The following ABCG1 variants were observed in gnomAD, a reference collection of about 807,000 sequenced individuals.
The protein encoded by ABCG1 is ATP binding cassette subfamily G member 1.
ABCG1 carries 29 observed loss-of-function variants against 69.2 expected under a neutral mutation model. The observed-to-expected ratio is 0.42, with a 90% CI of 0.31 to 0.57. ABCG1 has a LOEUF of 0.57. Ranked by LOEUF, ABCG1 falls within the 20% of genes least tolerant of loss-of-function variation. The probability of loss-of-function intolerance (pLI) is 0.15; values close to 1 mark genes in which losing one functional copy is unlikely to be tolerated. For missense variants in ABCG1, 718 were observed against 898.1 expected (o/e 0.80, Z 2.56); for synonymous variants, 370 against 374.8 (o/e 0.99, Z 0.15).
chr21:42,259,516 T>A, intron 2 of ABCG1: 3 of 1,540,250 alleles, frequency 1.9e-6, no homozygotes, highest in Non-Finnish European at 2.6e-6. Context: ...GTGCATTGAC[T>A]GAGGCTGGCT....
upstream of ABCG1, among the ~76,000 whole-genome samples, chr21:42,211,725 C>CAAA (rs372775582): frequency 2.7e-4 from 37 of 137,712 alleles, no homozygotes; most frequent in African/African-American, 9.0e-4. Flanking sequence ...ACTAAAAATA[C>CAAA]AAAAAAAAAA....
intron 2 of ABCG1, chr21:42,260,190 A>G: frequency 2.6e-6 from 4 of 1,549,704 alleles, no homozygotes; most frequent in Non-Finnish European, 2.6e-6. Context: ...CGTGGCCCTA[A>G]AGGCATTCAG....
chr21:42,233,254 C>T (rs1406255408), intron 2 of ABCG1, among the ~76,000 whole-genome samples: 1 of 152,140 alleles, frequency 6.6e-6, no homozygotes, highest in African/African-American at 2.4e-5. Context: ...GTAAGACACA[C>T]CAGGGTGACT....
At position 42,291,051 on chromosome 21, in the gene ABCG1, C is replaced by T; in HGVS notation, c.1394-41C>T. ...TGGGATGTTAAACGGGCTCGCTGCA[C>T]ATGGTCACTGACCCTTCTTTTTTGC... On this transcript the variant is annotated intron_variant, in intron 11 of 14. Transcript: ENST00000398449. The surrounding 1 kb of genome is among the most constrained non-coding windows in gnomAD (Gnocchi z 6.4). 6.6e-7 allele frequency: 1 copy of T among 1,504,154 alleles called. No individual in the cohort carries two copies. The highest frequency in any genetic ancestry group is 2.3e-5 in the East Asian group (1 of 44,354). The allele number at this position is 1,504,154 out of a possible 1,614,324, so 93.2% of individuals were successfully genotyped here. A position where few individuals can be genotyped will look rare whatever the true frequency, so the allele number is the denominator to read the frequency against.
chr21:42,214,285 A>G (rs183454711), upstream of ABCG1, among the ~76,000 whole-genome samples: 99 of 152,362 alleles, frequency 6.5e-4, no homozygotes, highest in African/African-American at 1.8e-3. Flanking sequence ...ATGTGAGGAC[A>G]CAGAGGCGCC....
intron 2 of ABCG1, among the ~76,000 whole-genome samples, chr21:42,205,399 G>A (rs2067535319): frequency 6.6e-6 from 1 of 152,066 alleles, no homozygotes; most frequent in Non-Finnish European, 1.5e-5. Context: ...AGGAATTCAA[G>A]ACCAGCCTGG....
intron 1 of ABCG1, among the ~76,000 whole-genome samples, chr21:42,201,393 G>C (rs1455890014): frequency 6.6e-6 from 1 of 152,126 alleles, no homozygotes; most frequent in East Asian, 1.9e-4. Flanking sequence ...TGACAGGAGG[G>C]AGAGCTCAAG....
intron 2 of ABCG1, chr21:42,259,580 G>A: frequency 6.8e-7 from 1 of 1,476,288 alleles, no homozygotes; most frequent in Non-Finnish European, 9.0e-7. Flanking sequence ...GAGTGGCATT[G>A]CCTCTGCGGA....
At chr21:42,266,901 A>G (rs1252203982) in intron 2 of ABCG1, among the ~76,000 whole-genome samples, 1 of 151,004 alleles carries the variant, frequency 6.6e-6, no homozygotes, top group African/African-American at 2.4e-5. Context: ...CCCTGCTCAG[A>G]CCCCATTCTC....
intron 2 of ABCG1, among the ~76,000 whole-genome samples, chr21:42,264,334 T>G (rs1260949983): frequency 2.0e-5 from 3 of 152,258 alleles, no homozygotes; most frequent in Non-Finnish European, 4.4e-5. Context: ...CATTACTAAA[T>G]GCTTCATCTG....
At chr21:42,231,861 C>T (rs536683608) in intron 2 of ABCG1, among the ~76,000 whole-genome samples, 1 of 152,226 alleles carries the variant, frequency 6.6e-6, no homozygotes, top group Non-Finnish European at 1.5e-5. Context: ...CAGGACATTT[C>T]TTTTAGTCCT....
At chr21:42,277,807 T>C (rs767954645) in intron 5 of ABCG1, among the ~76,000 whole-genome samples, 10 of 152,228 alleles carry the variant, frequency 6.6e-5, no homozygotes, top group Non-Finnish European at 1.2e-4. Flanking sequence ...AAGTGATTGA[T>C]GGGACAGAGT....
At chr21:42,235,265 G>T (rs2067962921) in intron 2 of ABCG1, among the ~76,000 whole-genome samples, 1 of 152,196 alleles carries the variant, frequency 6.6e-6, no homozygotes, top group Admixed American at 6.5e-5. Context: ...TGGAAATGGC[G>T]CTCAAATGCT....
chr21:42,211,838 G>A (rs148791196), upstream of ABCG1, among the ~76,000 whole-genome samples: 2,743 of 152,190 alleles, frequency 0.018, 83 homozygotes, highest in African/African-American at 0.062. Flanking sequence ...GCAGTGGGCC[G>A]AGATTGTGCC....
Position 42,287,230 on chromosome 21 carries a change from G to C in ABCG1, c.974-659G>C, listed in dbSNP as rs543771156. Among the ~76,000 whole-genome samples the C allele has an allele frequency of 1.3e-5, 2 of 152,304 alleles. No individual in the cohort carries two copies. The highest frequency in any genetic ancestry group is 2.1e-4 in the South Asian group (1 of 4,824). On this transcript the variant is annotated intron_variant, in intron 8 of 14. Coordinates refer to ENST00000398449, the MANE Select transcript of ABCG1 (RefSeq NM_016818.3). The surrounding 1 kb of genome is among the most constrained non-coding windows in gnomAD (Gnocchi z 6.2). Reference sequence around the variant, plus strand: ...GCCAGTCACCACGGGAGTGTGGAAGGAGTTGCAGGCTGCAGAGGAAGTCCA... The same window carrying C: ...GCCAGTCACCACGGGAGTGTGGAAGCAGTTGCAGGCTGCAGAGGAAGTCCA...
rs373692935 is a variant in ABCG1, at chr21:42,296,315, G to A, written c.1924G>A (p.Val642Ile). The A allele has an allele frequency of 1.1e-5, 18 of 1,613,980 alleles. No homozygotes were observed. Among genetic ancestry groups the A allele is most frequent in the Non-Finnish European group, 1.4e-5 (16 of 1,180,034 alleles). Residue 642 changes from valine to isoleucine, a missense_variant, in exon 15 of 15, where the codon GTA (valine) becomes ATA (isoleucine). Val to Ile is a conservative substitution (Grantham distance 29). Coordinates refer to ENST00000398449, the MANE Select transcript of ABCG1 (RefSeq NM_016818.3). This position sits in a 1 kb window ranked among gnomAD's most constrained non-coding sequence, Gnocchi z 5.4. ...TGCCAAGCTGTACCTGGACTTCATC[G>A]TACTCGGGATTTTCTTCATCTCCCT... Reference protein sequence around the residue: ...ENAKLYLDFIVLGIFFISLRL... With the variant: ...ENAKLYLDFIILGIFFISLRL...
Position 42,225,926 on chromosome 21 carries a change from G to A in ABCG1, c.286+12G>A, listed in dbSNP as rs370871086. The stretch of plus-strand genomic sequence containing the variant: ...GTGGAGGAAGAAAGGTAGGGAGGGC[G>A]GCTGCTTTGTGTATCAAGCTGGGAG... On this transcript the variant is annotated intron_variant, in intron 2 of 14. Transcript: ENST00000398449. The A allele has an allele frequency of 5.1e-5, 82 of 1,608,914 alleles. No individual in the cohort carries two copies. Among genetic ancestry groups the A allele is most frequent in the African/African-American group, 2.3e-4 (17 of 74,844 alleles).
intron 1 of ABCG1, among the ~76,000 whole-genome samples, chr21:42,201,214 G>A (rs1260700308): frequency 6.6e-6 from 1 of 152,120 alleles, no homozygotes; most frequent in African/African-American, 2.4e-5. Context: ...ATGTTAATCT[G>A]TATTTGCAGC....
At chr21:42,293,609 C>T (rs2069136471) in intron 13 of ABCG1, among the ~76,000 whole-genome samples, 1 of 139,200 alleles carries the variant, frequency 7.2e-6, no homozygotes, top group African/African-American at 2.7e-5. Flanking sequence ...ACAGTACACA[C>T]CACACTACAC....
Sources: gnomAD v4.1 joint callset for allele counts (sites outside exome capture counted in the v4.1 genomes callset) on GRCh38, gnomAD v4.1.1 for gene constraint, Gnocchi (gnomAD v3.1) non-coding constraint, MANE v1.5 for transcripts, NCBI Gene and HGNC (gene_info 2026-07-23, HGNC 2026-07-21) for gene names.